The following SLC35F3 variants were observed in gnomAD, a reference collection of about 807,000 sequenced individuals.
SLC35F3 encodes the protein putative thiamine transporter SLC35F3.
Under a neutral mutation model 49.9 loss-of-function variants are expected in SLC35F3, and 25 were observed. That is an observed-to-expected ratio of 0.50 (90% CI 0.37 to 0.70). The LOEUF (loss-of-function observed/expected upper bound fraction) is 0.70, where lower values mean the gene tolerates loss of function less well. Ranked by LOEUF, SLC35F3 falls within the 30% of genes least tolerant of loss-of-function variation. The pLI, the probability that SLC35F3 is intolerant of heterozygous loss-of-function variation, is 0.00. For missense variants in SLC35F3, 525 were observed against 639.8 expected (o/e 0.82, Z 1.94); for synonymous variants, 275 against 265.4 (o/e 1.04, Z -0.35).
intron 3 of SLC35F3, among the ~76,000 whole-genome samples, chr1:234,295,555 C>T (rs1668578407): frequency 6.6e-6 from 1 of 152,178 alleles, no homozygotes; most frequent in South Asian, 2.1e-4. Flanking sequence ...GAAATCTCAT[C>T]AAATGTTTGG....
At chr1:234,091,717 G>A (rs1665046363) in intron 2 of SLC35F3, among the ~76,000 whole-genome samples, 1 of 152,124 alleles carries the variant, frequency 6.6e-6, no homozygotes, top group African/African-American at 2.4e-5. Context: ...ATTTAAATGA[G>A]CCTCTTCCCT....
At chr1:234,198,309 T>C (rs903658200) in intron 2 of SLC35F3, among the ~76,000 whole-genome samples, 1 of 152,214 alleles carries the variant, frequency 6.6e-6, no homozygotes, top group Non-Finnish European at 1.5e-5. Flanking sequence ...AGAACATTGA[T>C]GTTTTGGGGA....
At chr1:234,260,671 C>T (rs577324696) in intron 3 of SLC35F3, among the ~76,000 whole-genome samples, 5 of 152,310 alleles carry the variant, frequency 3.3e-5, no homozygotes, top group African/African-American at 1.2e-4. Flanking sequence ...TGCAGAGCCT[C>T]ATCTTTTTCA....
chr1:234,232,788 A>C (rs1213199718), intron 3 of SLC35F3, among the ~76,000 whole-genome samples: 1 of 152,188 alleles, frequency 6.6e-6, no homozygotes, highest in African/African-American at 2.4e-5. Context: ...CCAAGGAACA[A>C]AGAGGTTTGG....
intron 6 of SLC35F3, among the ~76,000 whole-genome samples, chr1:234,319,279 T>C (rs1024000350): frequency 9.9e-5 from 15 of 152,122 alleles, no homozygotes; most frequent in African/African-American, 3.6e-4. Context: ...CTGATAAGTG[T>C]CAATATTCAA....
chr1:234,241,716 C>T (rs1572110820), intron 3 of SLC35F3, among the ~76,000 whole-genome samples: 1 of 118,696 alleles, frequency 8.4e-6, no homozygotes, highest in African/African-American at 3.3e-5. Context: ...GCCTGGGCAA[C>T]AAGAGTGACA....
intron 2 of SLC35F3, among the ~76,000 whole-genome samples, chr1:234,105,611 C>G (rs942488695): frequency 1.3e-5 from 2 of 152,158 alleles, no homozygotes; most frequent in African/African-American, 4.8e-5. Flanking sequence ...AGGCACCACT[C>G]AGAGACTCTT....
At chr1:234,280,994 G>T (rs963447293) in intron 3 of SLC35F3, among the ~76,000 whole-genome samples, 1 of 152,128 alleles carries the variant, frequency 6.6e-6, no homozygotes, top group African/African-American at 2.4e-5. Context: ...GTTCCATGCT[G>T]CATGCCTTCC....
chr1:233,925,655 G>A (rs1168743780), intron 2 of SLC35F3, among the ~76,000 whole-genome samples: 3 of 152,182 alleles, frequency 2.0e-5, no homozygotes, highest in African/African-American at 7.2e-5. Flanking sequence ...ATTGTTATGT[G>A]TGAATTTGAT....
At chr1:234,115,688 G>C (rs762739130) in intron 2 of SLC35F3, among the ~76,000 whole-genome samples, 1 of 152,146 alleles carries the variant, frequency 6.6e-6, no homozygotes, top group Non-Finnish European at 1.5e-5. Flanking sequence ...GCTTTATTCT[G>C]TCTTCTGAAC....
At chr1:234,209,510 AAAG>A (rs1048552300) in intron 2 of SLC35F3, among the ~76,000 whole-genome samples, 14 of 152,142 alleles carry the variant, frequency 9.2e-5, no homozygotes, top group African/African-American at 3.1e-4. Flanking sequence ...CCACTCCCAA[AAAG>A]AAGTGTTCAC....
intron 4 of SLC35F3, among the ~76,000 whole-genome samples, chr1:234,310,011 T>C (rs556134026): frequency 2.6e-5 from 4 of 152,018 alleles, no homozygotes; most frequent in Admixed American, 2.6e-4. Flanking sequence ...CTGTATGAAA[T>C]AGGACACGTG....
At chr1:234,249,840 C>A (rs1667707924) in intron 3 of SLC35F3, among the ~76,000 whole-genome samples, 1 of 152,334 alleles carries the variant, frequency 6.6e-6, no homozygotes, top group Non-Finnish European at 1.5e-5. Flanking sequence ...GCTGCATCCC[C>A]CGAAGTGTGT....
chr1:233,966,595 G>A (rs987623098), intron 2 of SLC35F3, among the ~76,000 whole-genome samples: 1 of 152,198 alleles, frequency 6.6e-6, no homozygotes, highest in African/African-American at 2.4e-5. Flanking sequence ...TCCCTAGCCA[G>A]CTAAATTGCC....
intron 2 of SLC35F3, among the ~76,000 whole-genome samples, chr1:233,997,952 A>T (rs999522884): frequency 6.6e-6 from 1 of 152,012 alleles, no homozygotes; most frequent in African/African-American, 2.4e-5. Context: ...GGGTTTCACC[A>T]TGTTGGTCAG....
At chr1:234,066,468 G>T (rs1664619077) in intron 2 of SLC35F3, among the ~76,000 whole-genome samples, 1 of 152,120 alleles carries the variant, frequency 6.6e-6, no homozygotes, top group South Asian at 2.1e-4. Context: ...CCAGGCTGCA[G>T]CGGTGAGTCC....
chr1:233,908,958 C>A (rs762690876), intron 2 of SLC35F3, among the ~76,000 whole-genome samples: 2 of 151,958 alleles, frequency 1.3e-5, no homozygotes, highest in Non-Finnish European at 2.9e-5. Context: ...CAGGTTCAAG[C>A]GATTCTCCTA....
chr1:233,963,405 A>T (rs1295313260), intron 2 of SLC35F3, among the ~76,000 whole-genome samples: 1 of 150,950 alleles, frequency 6.6e-6, no homozygotes, highest in East Asian at 1.9e-4. Context: ...GGTTCACGCC[A>T]TTCTTCTGCC....
chr1:234,195,108 G>A (rs934907215), intron 2 of SLC35F3, among the ~76,000 whole-genome samples: 4 of 152,142 alleles, frequency 2.6e-5, no homozygotes, highest in Non-Finnish European at 5.9e-5. Context: ...AGTTGCACCC[G>A]GGAAGCAAAT....
Sources: allele counts gnomAD v4.1 joint callset (sites outside exome capture counted in the v4.1 genomes callset), GRCh38; gene constraint gnomAD v4.1.1; transcripts MANE v1.5; gene names NCBI Gene and HGNC (gene_info 2026-07-23, HGNC 2026-07-21).